The following PPP2R5E variants were observed in gnomAD, a reference collection of about 807,000 sequenced individuals.
PPP2R5E encodes serine/threonine-protein phosphatase 2A 56 kDa regulatory subunit epsilon isoform.
PPP2R5E carries 4 observed loss-of-function variants against 65.3 expected under a neutral mutation model. The observed-to-expected ratio is 0.06, with a 90% CI of 0.03 to 0.14. The LOEUF (loss-of-function observed/expected upper bound fraction) is 0.14. PPP2R5E is among the 10% of genes least tolerant of loss of function. The pLI, the probability that PPP2R5E is intolerant of heterozygous loss-of-function variation, is 1.00. For missense variants in PPP2R5E, 274 were observed against 556.1 expected (o/e 0.49, Z 5.10); for synonymous variants, 183 against 187.4 (o/e 0.98, Z 0.19).
chr14:63,514,736 T>C (rs769088805), intron 2 of PPP2R5E, among the ~76,000 whole-genome samples: 14 of 152,178 alleles, frequency 9.2e-5, no homozygotes, highest in Non-Finnish European at 2.9e-5. Context: ...ACATGGAATA[T>C]TGACCATTTC....
intron 5 of PPP2R5E, among the ~76,000 whole-genome samples, chr14:63,413,409 C>T (rs183942867): frequency 6.6e-6 from 1 of 152,290 alleles, no homozygotes; most frequent in Admixed American, 6.5e-5. Context: ...CTACTTCTCC[C>T]TTGAAGTCAC....
At chr14:63,408,216 A>G (rs1226388406) in intron 5 of PPP2R5E, among the ~76,000 whole-genome samples, 1 of 150,268 alleles carries the variant, frequency 6.7e-6, no homozygotes. Context: ...GTTATTTTCC[A>G]ATTTTCTAAT....
chr14:63,519,374 A>G (rs1892792439), intron 2 of PPP2R5E, among the ~76,000 whole-genome samples: 1 of 151,306 alleles, frequency 6.6e-6, no homozygotes, highest in South Asian at 2.1e-4. Context: ...CTCTTGAGAC[A>G]GAGTCTTGTT....
chr14:63,385,411 T>C (rs1204528868), intron 11 of PPP2R5E, among the ~76,000 whole-genome samples: 1 of 152,218 alleles, frequency 6.6e-6, no homozygotes. Context: ...TTAATTTATA[T>C]TCTTCTCTAA....
chr14:63,422,808 G>C (rs1301785915), intron 3 of PPP2R5E, among the ~76,000 whole-genome samples: 1 of 146,560 alleles, frequency 6.8e-6, no homozygotes, highest in African/African-American at 2.5e-5. Context: ...TTCACTATTT[G>C]CAAACTTATG....
intron 5 of PPP2R5E, among the ~76,000 whole-genome samples, chr14:63,404,816 C>T (rs1223763197): frequency 1.3e-5 from 2 of 152,172 alleles, no homozygotes. Flanking sequence ...TTCAAGACAA[C>T]CTTGTGATTT....
intron 2 of PPP2R5E, among the ~76,000 whole-genome samples, chr14:63,455,229 A>C (rs1889052775): frequency 6.6e-6 from 1 of 152,082 alleles, no homozygotes; most frequent in Non-Finnish European, 1.5e-5. Context: ...TCCTCTCTAC[A>C]ACCTTCTACC....
chr14:63,467,775 G>A (rs113731354), intron 2 of PPP2R5E, among the ~76,000 whole-genome samples: 3,729 of 152,264 alleles, frequency 0.024, 94 homozygotes, highest in African/African-American at 0.069. Context: ...TGTCCTTGGG[G>A]TCACACACAC....
rs60459776 is a variant in PPP2R5E, at chr14:63,481,589, T to TA, written c.158-27705dup. 1.9e-3 allele frequency among the ~76,000 whole-genome samples: 282 copies of TA among 152,136 alleles called. 3 individuals carry two copies. Among genetic ancestry groups the TA allele is most frequent in the African/African-American group, 6.4e-3 (266 of 41,512 alleles). On this transcript the variant is annotated intron_variant, in intron 2 of 13. Coordinates refer to ENST00000337537, the MANE Select transcript of PPP2R5E (RefSeq NM_006246.5). ...GTATGAAGAGCTCATTTATTTAATTTAAAAAAAGCCACAGTCCTATGCATT... is the reference window on the plus strand; with the variant it reads ...GTATGAAGAGCTCATTTATTTAATTTAAAAAAAAGCCACAGTCCTATGCATT...
intron 2 of PPP2R5E, among the ~76,000 whole-genome samples, chr14:63,472,256 C>T (rs756815140): frequency 3.3e-5 from 5 of 152,036 alleles, no homozygotes; most frequent in African/African-American, 9.7e-5. Flanking sequence ...GCTGAGATCA[C>T]GCCATTTCAC....
intron 2 of PPP2R5E, among the ~76,000 whole-genome samples, chr14:63,513,687 T>G (rs981191400): frequency 2.0e-5 from 3 of 152,210 alleles, no homozygotes; most frequent in African/African-American, 7.2e-5. Flanking sequence ...CTTTTTATAT[T>G]TCCTGAACAC....
chr14:63,412,087 A>G (rs1423607915), intron 5 of PPP2R5E, among the ~76,000 whole-genome samples: 2 of 152,244 alleles, frequency 1.3e-5, no homozygotes, highest in Non-Finnish European at 2.9e-5. Flanking sequence ...AATAAGGTAG[A>G]TATGAATAAG....
chr14:63,382,402 T>TC lies in PPP2R5E; in HGVS notation c.1203-246dup, dbSNP rs1000608722. The stretch of plus-strand genomic sequence containing the variant: ...AAAATCTAACTTTGCCCTTCTAATT[T>TC]CTTTTTTTTTTTTTTTGCAACGGAG... On this transcript the variant is annotated intron_variant, in intron 12 of 13. Coordinates refer to ENST00000337537, the MANE Select transcript of PPP2R5E (RefSeq NM_006246.5). Among the ~76,000 whole-genome samples the TC allele has an allele frequency of 4.2e-5, 6 of 144,292 alleles. 1 individual carries two copies. The highest frequency in any genetic ancestry group is 1.6e-4 in the African/African-American group (6 of 36,726). The allele number at this position is 144,292 out of a possible 152,430, so 94.7% of individuals were successfully genotyped here. A position where few individuals can be genotyped will look rare whatever the true frequency, so the allele number is the denominator to read the frequency against.
chr14:63,469,361 G>C (rs1447733740), intron 2 of PPP2R5E, among the ~76,000 whole-genome samples: 1 of 152,156 alleles, frequency 6.6e-6, no homozygotes, highest in Non-Finnish European at 1.5e-5. Context: ...ACAGTCCAGG[G>C]GGAAGCAAGA....
chr14:63,512,230 T>C (rs1892492591), intron 2 of PPP2R5E, among the ~76,000 whole-genome samples: 1 of 152,060 alleles, frequency 6.6e-6, no homozygotes, highest in African/African-American at 2.4e-5. Context: ...AATAATATGC[T>C]CTTTCAAGAT....
chr14:63,431,264 CAA>C (rs113008212), intron 3 of PPP2R5E, among the ~76,000 whole-genome samples: 26 of 112,486 alleles, frequency 2.3e-4, no homozygotes, highest in Admixed American at 2.8e-4. Context: ...TAGACTCTAT[CAA>C]AAAAAAAAAA....
intron 11 of PPP2R5E, among the ~76,000 whole-genome samples, chr14:63,384,880 G>C (rs1292325528): frequency 6.6e-6 from 1 of 152,122 alleles, no homozygotes; most frequent in Admixed American, 6.5e-5. Flanking sequence ...ATTTTTAGTA[G>C]AGGCGGGGTT....
chr14:63,428,815 T>A (rs1408512814), intron 3 of PPP2R5E, among the ~76,000 whole-genome samples: 2 of 152,264 alleles, frequency 1.3e-5, no homozygotes, highest in Non-Finnish European at 2.9e-5. Context: ...ACAACTGTTA[T>A]ATTTCTAAAT....
chr14:63,435,996 T>C (rs1887935920), intron 3 of PPP2R5E, among the ~76,000 whole-genome samples: 3 of 152,336 alleles, frequency 2.0e-5, no homozygotes, highest in Middle Eastern at 3.4e-3. Context: ...ATAGTCATAG[T>C]GCTTACTGTG....
Sources: allele counts gnomAD v4.1 joint callset (sites outside exome capture counted in the v4.1 genomes callset), GRCh38; gene constraint gnomAD v4.1.1; transcripts MANE v1.5; gene names NCBI Gene and HGNC (gene_info 2026-07-23, HGNC 2026-07-21).